RBFOX1: variants seen among roughly 807,000 people sequenced by gnomAD.
RBFOX1 encodes the protein RNA binding protein fox-1 homolog 1.
In RBFOX1, 8 loss-of-function variants were observed where a neutral mutation model predicts 57.7. The observed-to-expected ratio is 0.14, with a 90% CI of 0.08 to 0.25. The LOEUF is 0.25. Among genes scored for constraint, RBFOX1 ranks in the 10% least tolerant of loss-of-function variants. The pLI, the probability that RBFOX1 is intolerant of heterozygous loss-of-function variation, is 1.00. For missense variants in RBFOX1, 611 were observed against 548.5 expected (o/e 1.11, Z -1.14); for synonymous variants, 326 against 222.4 (o/e 1.47, Z -4.15).
chr16:6,841,586 C>T (rs985199809), intron 3 of RBFOX1, among the ~76,000 whole-genome samples: 3 of 152,136 alleles, frequency 2.0e-5, no homozygotes, highest in Admixed American at 2.0e-4. Context: ...GCTGTCCACC[C>T]ACAGTTGAAG....
intron 4 of RBFOX1, among the ~76,000 whole-genome samples, chr16:7,485,437 G>A (rs1567436848): frequency 6.6e-6 from 1 of 152,154 alleles, no homozygotes; most frequent in Non-Finnish European, 1.5e-5. Flanking sequence ...ACGCTCAATA[G>A]GTTTTCCTTG....
intron 2 of RBFOX1, among the ~76,000 whole-genome samples, chr16:6,411,949 C>T (rs536494237): frequency 6.6e-6 from 1 of 152,040 alleles, no homozygotes; most frequent in Non-Finnish European, 1.5e-5. Context: ...CTGGCCAACA[C>T]AGTGAAACCC....
At chr16:6,700,208 G>A (rs1317535600) in intron 3 of RBFOX1, among the ~76,000 whole-genome samples, 2 of 152,238 alleles carry the variant, frequency 1.3e-5, no homozygotes, top group East Asian at 1.9e-4. Context: ...AGAGAGGAAC[G>A]TGAGAAGTGT....
intron 3 of RBFOX1, among the ~76,000 whole-genome samples, chr16:6,763,040 G>A (rs920025519): frequency 6.6e-6 from 1 of 152,134 alleles, no homozygotes; most frequent in African/African-American, 2.4e-5. Context: ...TTCATTCATG[G>A]CTGTTTATTA....
At chr16:6,371,128 T>A (rs13332483) in intron 2 of RBFOX1, among the ~76,000 whole-genome samples, 1 of 152,158 alleles carries the variant, frequency 6.6e-6, no homozygotes, top group African/African-American at 2.4e-5. Flanking sequence ...TCATATGATG[T>A]CTCTCAGATA....
At chr16:7,511,706 G>T (rs954953899) in intron 4 of RBFOX1, among the ~76,000 whole-genome samples, 1 of 152,034 alleles carries the variant, frequency 6.6e-6, no homozygotes, top group Non-Finnish European at 1.5e-5. Context: ...CTACACGTTG[G>T]GGTGTCTTAA....
intron 2 of RBFOX1, among the ~76,000 whole-genome samples, chr16:6,518,902 G>C (rs1185083403): frequency 6.6e-6 from 1 of 151,958 alleles, no homozygotes; most frequent in Non-Finnish European, 1.5e-5. Flanking sequence ...GCTAGCAAAA[G>C]CAGGGATAGC....
chr16:7,629,113 A>C (rs1255713401), intron 10 of RBFOX1, among the ~76,000 whole-genome samples: 2 of 152,160 alleles, frequency 1.3e-5, no homozygotes, highest in Admixed American at 6.5e-5. Flanking sequence ...CCAGATCGAA[A>C]AAGACCATGG....
At chr16:6,851,927 T>A (rs988319624) in intron 3 of RBFOX1, among the ~76,000 whole-genome samples, 3 of 26,024 alleles carry the variant, frequency 1.2e-4, no homozygotes, top group African/African-American at 3.0e-4. Context: ...TTCCATTGGG[T>A]TTTTTTTTTT....
At chr16:7,253,018 C>T (rs2153031451) in intron 4 of RBFOX1, among the ~76,000 whole-genome samples, 1 of 152,188 alleles carries the variant, frequency 6.6e-6, no homozygotes, top group East Asian at 1.9e-4. Flanking sequence ...ATAAGCCCTT[C>T]TGGGTAAATG....
chr16:5,946,533 C>T lies in RBFOX1; in HGVS notation c.351+79198C>T, dbSNP rs934831496. Among the ~76,000 whole-genome samples, 3 of 149,638 alleles carry T rather than the reference C, an allele frequency of 2.0e-5. No individual in the cohort carries two copies. Among genetic ancestry groups the T allele is most frequent in the African/African-American group, 7.2e-5 (3 of 41,390 alleles). ...GGACATGGAAGTTCTACGCCCTTCC[C>T]CGTATCTCACTCTATGCATATTTTT... On this transcript the variant is annotated intron_variant, in intron 4 of 19. Coordinates refer to the RBFOX1 transcript ENST00000641259. This position sits in a 1 kb window ranked among gnomAD's most constrained non-coding sequence, Gnocchi z 4.6.
At chr16:5,988,359 A>C (rs2060322202) in intron 4 of RBFOX1, among the ~76,000 whole-genome samples, 1 of 152,224 alleles carries the variant, frequency 6.6e-6, no homozygotes, top group South Asian at 2.1e-4. Flanking sequence ...CCATTATCCT[A>C]ATTCAAAGTG....
chr16:5,433,743 C>G (rs112460498), intron 1 of RBFOX1, among the ~76,000 whole-genome samples: 8 of 152,184 alleles, frequency 5.3e-5, no homozygotes, highest in Admixed American at 2.6e-4. Flanking sequence ...CCTCCCTGCT[C>G]CATGGGAGAT....
intron 3 of RBFOX1, among the ~76,000 whole-genome samples, chr16:5,808,857 A>G (rs986017676): frequency 6.6e-6 from 1 of 152,184 alleles, no homozygotes; most frequent in Non-Finnish European, 1.5e-5. Flanking sequence ...CAATCATGTC[A>G]TGTGCAAACA....
intron 4 of RBFOX1, among the ~76,000 whole-genome samples, chr16:7,390,355 C>A (rs1161196765): frequency 6.6e-6 from 1 of 152,146 alleles, no homozygotes; most frequent in Non-Finnish European, 1.5e-5. Flanking sequence ...AGGACTTGAT[C>A]CAAATCTGAG....
intron 4 of RBFOX1, among the ~76,000 whole-genome samples, chr16:7,169,994 G>A (rs113790655): frequency 0.022 from 3,383 of 152,208 alleles, 63 homozygotes; most frequent in Non-Finnish European, 0.029. Context: ...GATCACTTGA[G>A]CCTGGGGAGG....
At chr16:5,450,703 G>T (rs79487041) in intron 1 of RBFOX1, among the ~76,000 whole-genome samples, 1 of 152,146 alleles carries the variant, frequency 6.6e-6, no homozygotes, top group Non-Finnish European at 1.5e-5. Context: ...CCACCGCTCC[G>T]TGCTGGAATT....
intron 6 of RBFOX1, among the ~76,000 whole-genome samples, chr16:7,586,874 A>T (rs2094153694): frequency 6.6e-6 from 1 of 152,214 alleles, no homozygotes; most frequent in South Asian, 2.1e-4. Flanking sequence ...TCAAAATCAC[A>T]TTTCATCAAG....
At chr16:6,845,559 G>C (rs1055175412) in intron 3 of RBFOX1, among the ~76,000 whole-genome samples, 9 of 152,194 alleles carry the variant, frequency 5.9e-5, no homozygotes, top group African/African-American at 1.9e-4. Flanking sequence ...TTGCACCAGT[G>C]CCATGCTGTT....
Sources: allele counts gnomAD v4.1 joint callset (sites outside exome capture counted in the v4.1 genomes callset), GRCh38; gene constraint gnomAD v4.1.1; non-coding constraint Gnocchi (gnomAD v3.1); transcripts MANE v1.5; gene names NCBI Gene and HGNC (gene_info 2026-07-23, HGNC 2026-07-21).